Variants in DOCK1 observed in about 807,000 individuals in gnomAD.
The protein encoded by DOCK1 is dedicator of cytokinesis 1.
A neutral mutation model predicts 262.7 loss-of-function variants in DOCK1; 138 were observed. The observed-to-expected ratio is 0.53, with a 90% confidence interval of 0.46 to 0.61. The LOEUF is 0.61. Among genes scored for constraint, DOCK1 ranks in the 20% least tolerant of loss-of-function variants. The pLI is 0.00. For synonymous variants in DOCK1, 866 were observed against 867.4 expected, an observed-to-expected ratio of 1.00 and a Z score of 0.03; for missense variants, 1,908 against 2,370.7, an observed-to-expected ratio of 0.80 and a Z score of 4.05.
chr10:126,975,009 C>T (rs1023015564), intron 2 of DOCK1, among the ~76,000 whole-genome samples: 4 of 152,074 alleles, frequency 2.6e-5, no homozygotes, highest in Admixed American at 2.6e-4. Context: ...CTCCTCCTGC[C>T]TCCCATAGAA....
In DOCK1 at chr10:127,439,190, C is replaced by G; in HGVS notation, c.5224C>G (p.Leu1742Val). ...AGAATTTAAACCCACCGACATTTCC[C>G]TGCAGCAGTCTGAGGCTGTGATCCT... ...EKEFKPTDIS[L>V]QQSEAVILSE... is the part of the protein sequence containing the mutation. Residue 1742 changes from leucine to valine, a missense_variant, in exon 49 of 52, where the codon CTG (leucine) becomes GTG (valine). Transcript: ENST00000623213. The G allele has an allele frequency of 6.2e-7, 1 of 1,611,702 alleles. No homozygotes were observed. The highest frequency in any genetic ancestry group is 8.5e-7 in the Non-Finnish European group (1 of 1,179,060).
At chr10:127,370,170 C>T (rs1471233660) in intron 33 of DOCK1, among the ~76,000 whole-genome samples, 1 of 152,152 alleles carries the variant, frequency 6.6e-6, no homozygotes, top group African/African-American at 2.4e-5. Flanking sequence ...GTGCCCTCTG[C>T]CTGCAGTATC....
At chr10:127,240,882 C>T (rs1020485742) in intron 27 of DOCK1, among the ~76,000 whole-genome samples, 1 of 151,980 alleles carries the variant, frequency 6.6e-6, no homozygotes, top group Admixed American at 6.5e-5. Flanking sequence ...AAGATTTTTC[C>T]AAGTATGTTA....
Position 126,919,959 on chromosome 10 carries a change from G to A in DOCK1, c.46+14396G>A, listed in dbSNP as rs148672269. On this transcript the variant is annotated intron_variant, in intron 1 of 51. Transcript: ENST00000623213. ...GAGTTTTCTGTTGGTGGGGAGTTAC[G>A]TCTTGGAGGGGGCACCACTTCCAGG... 7.6e-4 allele frequency among the ~76,000 whole-genome samples: 116 copies of A among 152,274 alleles called. 1 individual carries two copies. The highest frequency in any genetic ancestry group is 2.8e-3 in the African/African-American group (115 of 41,564).
At chr10:127,023,992 T>C (rs997802927) in intron 14 of DOCK1, among the ~76,000 whole-genome samples, 8 of 152,316 alleles carry the variant, frequency 5.3e-5, no homozygotes, top group African/African-American at 1.7e-4. Flanking sequence ...CCGGCGATCA[T>C]GAAGATCTGC....
intron 23 of DOCK1, among the ~76,000 whole-genome samples, chr10:127,071,680 T>A (rs2046242909): frequency 6.6e-6 from 1 of 152,234 alleles, no homozygotes; most frequent in Admixed American, 6.5e-5. Context: ...TGTGCCTGAA[T>A]TGATGTGCAA....
At chr10:126,941,741 C>G (rs1383478754) in intron 1 of DOCK1, among the ~76,000 whole-genome samples, 1 of 151,412 alleles carries the variant, frequency 6.6e-6, no homozygotes, top group Non-Finnish European at 1.5e-5. Context: ...GGCGACAGTG[C>G]GAGACTCCAT....
At chr10:127,208,774 T>A (rs886595756) in intron 27 of DOCK1, among the ~76,000 whole-genome samples, 1 of 152,192 alleles carries the variant, frequency 6.6e-6, no homozygotes, top group Admixed American at 6.5e-5. Flanking sequence ...ATATCATCTG[T>A]TAGATGATAT....
chr10:126,982,033 T>C (rs955294973), intron 4 of DOCK1, 60 bp downstream of exon 4: 6 of 1,568,422 alleles, frequency 3.8e-6, no homozygotes, highest in Non-Finnish European at 4.4e-6. Context: ...GCCTTGCTGC[T>C]CTTTTGTACG....
At chr10:126,953,011 G>A (rs1261138441) in intron 1 of DOCK1, among the ~76,000 whole-genome samples, 1 of 151,876 alleles carries the variant, frequency 6.6e-6, no homozygotes, top group Non-Finnish European at 1.5e-5. Context: ...TGTTGGTGGT[G>A]GTAGTATTGT....
intron 29 of DOCK1, among the ~76,000 whole-genome samples, chr10:127,333,314 C>T (rs1223883318): frequency 6.6e-6 from 1 of 152,174 alleles, no homozygotes; most frequent in Admixed American, 6.5e-5. Context: ...AGTTCCCTGC[C>T]TTTCTCCACA....
chr10:127,142,054 C>T (rs373018398), intron 27 of DOCK1, among the ~76,000 whole-genome samples: 28 of 152,296 alleles, frequency 1.8e-4, no homozygotes, highest in East Asian at 9.7e-4. Context: ...CTACCACAGT[C>T]GCTGTGCTAA....
intron 25 of DOCK1, among the ~76,000 whole-genome samples, chr10:127,113,563 G>T (rs1307184791): frequency 6.6e-6 from 1 of 152,192 alleles, no homozygotes; most frequent in African/African-American, 2.4e-5. Context: ...TTCGTTGCCA[G>T]GTCTGGGTCC....
chr10:127,061,628 G>A (rs746259949), intron 22 of DOCK1, 40 bp from the exon 23 acceptor site: 20 of 1,536,000 alleles, frequency 1.3e-5, no homozygotes, highest in Non-Finnish European at 1.7e-5. Flanking sequence ...ATGTTGAGGT[G>A]TTTCTGCCAG....
At chr10:127,271,362 G>T (rs2060561958) in intron 29 of DOCK1, among the ~76,000 whole-genome samples, 1 of 152,018 alleles carries the variant, frequency 6.6e-6, no homozygotes, top group Non-Finnish European at 1.5e-5. Flanking sequence ...TTTTCAACAC[G>T]AAATTGGAAA....
At chr10:127,431,323 A>T (rs1322932591) in intron 47 of DOCK1, among the ~76,000 whole-genome samples, 1 of 152,138 alleles carries the variant, frequency 6.6e-6, no homozygotes, top group East Asian at 1.9e-4. Context: ...TATGCGGCAG[A>T]CCGCCCAGTA....
chr10:127,134,335 G>A (rs986061390), intron 27 of DOCK1, among the ~76,000 whole-genome samples: 5 of 152,182 alleles, frequency 3.3e-5, no homozygotes, highest in African/African-American at 1.2e-4. Flanking sequence ...TTTACACCCA[G>A]TAGTCCAGCC....
At chr10:127,036,043 T>TAAATAAATAAATAAATAAATAAAA (rs1554870785) in intron 18 of DOCK1, among the ~76,000 whole-genome samples, 1 of 147,562 alleles carries the variant, frequency 6.8e-6, no homozygotes, top group Non-Finnish European at 1.5e-5. Flanking sequence ...AATAAATAAA[T>TAAATAAATAAATAAATAAATAAAA]AAAAAAGAGT....
chr10:127,306,976 G>A (rs1163169241), intron 29 of DOCK1, among the ~76,000 whole-genome samples: 6 of 152,074 alleles, frequency 3.9e-5, no homozygotes, highest in African/African-American at 1.4e-4. Context: ...CAATAGTTTG[G>A]GAATTGTTTT....
Sources: allele counts gnomAD v4.1 joint callset (sites outside exome capture counted in the v4.1 genomes callset), GRCh38; gene constraint gnomAD v4.1.1; transcripts MANE v1.5; gene names NCBI Gene and HGNC (gene_info 2026-07-23, HGNC 2026-07-21).